MUC5AC: variants seen among roughly 807,000 people sequenced by gnomAD.
MUC5AC encodes the protein mucin 5AC, oligomeric mucus/gel-forming.
A neutral mutation model predicts 169.7 loss-of-function variants in MUC5AC; 158 were observed. The observed-to-expected ratio is 0.93, with a 90% CI of 0.82 to 1.06. The LOEUF is 1.06. Among genes scored for constraint, MUC5AC ranks in the 50% least tolerant of loss-of-function variants. The pLI, the probability that MUC5AC is intolerant of heterozygous loss-of-function variation, is 0.00. For synonymous variants in MUC5AC, 1,975 were observed against 1,237.0 expected (o/e 1.60, Z -12.52); for missense variants, 4,359 against 3,089.9 (o/e 1.41, Z -9.74).
In MUC5AC at chr11:1,191,276, C is replaced by A; in HGVS notation, c.13131C>A (p.Pro4377=). 1 of 736,606 alleles carries A rather than the reference C, an allele frequency of 1.4e-6. No homozygotes were observed. Among genetic ancestry groups the A allele is most frequent in the African/African-American group, 1.9e-5 (1 of 53,994 alleles). 45.6% of individuals were successfully genotyped at this position (736,606 alleles called of 1,614,324 possible). ...CAACCTCTGGTCCTGGAACTACTCC[C>A]AGCCCTGTTCCCACCACCAGCACAA... is the stretch of plus-strand genomic sequence containing the variant. The part of the protein sequence containing the change: ...ASTTSGPGTT[P]SPVPTTSTTS... The change falls in exon 31 of 49, where the codon CCC becomes CCA. Residue 4377 remains proline (P), a synonymous_variant. Transcript: ENST00000621226.
intron 11 of MUC5AC, among the ~76,000 whole-genome samples, chr11:1,167,430 G>T (rs960761626): frequency 2.0e-5 from 3 of 152,200 alleles, no homozygotes; most frequent in African/African-American, 7.2e-5. Flanking sequence ...AGGCTGCACT[G>T]GTACCCTCAC....
rs1861010789 is a variant in MUC5AC, at chr11:1,188,560, C to T, written c.10415C>T (p.Ser3472Leu). 3.9e-6 allele frequency: 3 copies of T among 760,794 alleles called. No individual in the cohort carries two copies. The highest frequency in any genetic ancestry group is 1.7e-5 in the African/African-American group (1 of 59,090). 47.1% of individuals were successfully genotyped at this position (760,794 alleles called of 1,614,324 possible). A position where few individuals can be genotyped will look rare whatever the true frequency, so the allele number is the denominator to read the frequency against. ...TTSTPQTSKT[S>L]AATSSTTSGS... ...TCCACTCCACAGACCAGCAAAACCT[C>T]AGCTGCTACAAGCAGCACAACCTCC... Residue 3472 changes from serine to leucine, a missense_variant, in exon 31 of 49, where the codon TCA (serine) becomes TTA (leucine). Coordinates refer to ENST00000621226, the MANE Select transcript of MUC5AC (RefSeq NM_001304359.2).
At position 1,186,055 on chromosome 11, in the gene MUC5AC, G is replaced by A. The variant is rs1184939665; in HGVS notation, c.7910G>A (p.Ser2637Asn). 1 of 731,740 alleles carries A rather than the reference G, an allele frequency of 1.4e-6. No individual in the cohort carries two copies. The highest frequency in any genetic ancestry group is 1.8e-5 in the African/African-American group (1 of 55,054). 45.3% of individuals were successfully genotyped at this position (731,740 alleles called of 1,614,324 possible). Reference sequence around the variant, plus strand: ...ATCTCTGGTCCTGAAACTACTCCCAGCCCTGTTCCTACCGCCAGCACAACC... The same window carrying A: ...ATCTCTGGTCCTGAAACTACTCCCAACCCTGTTCCTACCGCCAGCACAACC... The part of the protein sequence containing the change: ...SRISGPETTP[S>N]PVPTASTTSA... The change falls in exon 31 of 49, where the codon AGC becomes AAC. Residue 2637 changes from serine (S) to asparagine (N), a missense_variant. Transcript: ENST00000621226.
In MUC5AC at chr11:1,186,070, C is replaced by T; in HGVS notation, c.7925C>T (p.Ala2642Val). 1 of 743,614 alleles carries T rather than the reference C, an allele frequency of 1.3e-6. No individual in the cohort carries two copies. The highest frequency in any genetic ancestry group is 1.8e-5 in the Admixed American group (1 of 55,582). The allele number at this position is 743,614 out of a possible 1,614,324, so 46.1% of individuals were successfully genotyped here. Reference sequence around the variant, plus strand: ...ACTACTCCCAGCCCTGTTCCTACCGCCAGCACAACCTCTGCTTCTACAACT... The same window carrying T: ...ACTACTCCCAGCCCTGTTCCTACCGTCAGCACAACCTCTGCTTCTACAACT... ...PETTPSPVPT[A>V]STTSASTTST... The change falls in exon 31 of 49, where the codon GCC becomes GTC. Residue 2642 changes from alanine to valine, a missense_variant. Physicochemically the swap from Ala to Val is moderately conservative, Grantham distance 64. Coordinates refer to ENST00000621226, the MANE Select transcript of MUC5AC (RefSeq NM_001304359.2).
At chr11:1,193,378 C>A (rs1861173112) in intron 32 of MUC5AC, 107 bp from the exon 33 acceptor site, 2 of 625,228 alleles carry the variant, frequency 3.2e-6, no homozygotes, top group Admixed American at 2.4e-5. Context: ...GGCACAGCCA[C>A]CCTCCCCTGT....
At chr11:1,162,696 CG>C (rs1564906005) in intron 5 of MUC5AC, 50 bp downstream of exon 5, 1 of 1,534,816 alleles carries the variant, frequency 6.5e-7, no homozygotes, top group African/African-American at 1.4e-5. Flanking sequence ...CCTCGAGGGC[CG>C]GCCTGCTCCC....
rs775206945 is a variant in MUC5AC, at chr11:1,162,122, G to C, written c.427G>C (p.Val143Leu). 1.9e-6 allele frequency: 3 copies of C among 1,612,634 alleles called. No homozygotes were observed. Among genetic ancestry groups the C allele is most frequent in the Non-Finnish European group, 2.5e-6 (3 of 1,179,838 alleles). ...CAGGGTCCTCATGAAGGTGGATGGC[G>C]TGGTCATCCAGCTGACCAAGGGCTC... The part of the protein sequence containing the change: ...LSRVLMKVDG[V>L]VIQLTKGSVL... The change falls in exon 4 of 49, where the codon GTG becomes CTG. Residue 143 changes from valine to leucine, a missense_variant. Coordinates refer to ENST00000621226, the MANE Select transcript of MUC5AC (RefSeq NM_001304359.2).
At chr11:1,163,804 T>C in intron 6 of MUC5AC, 78 bp from the exon 7 acceptor site, 1 of 1,195,796 alleles carries the variant, frequency 8.4e-7, no homozygotes, top group Non-Finnish European at 1.2e-6. Flanking sequence ...GACCCGGCCC[T>C]GGGGGCTCTG....
chr11:1,198,114 G>A lies in MUC5AC; in HGVS notation c.16135+110G>A, dbSNP rs1052135285. ...TGCGGCTTGTCCACTGCGGGTCTGTGGCTCTGGACTGAGCCTTCCGCAGAG... is the reference window on the plus strand; with the variant it reads ...TGCGGCTTGTCCACTGCGGGTCTGTAGCTCTGGACTGAGCCTTCCGCAGAG... On this transcript the variant is annotated intron_variant, in intron 42 of 48. Transcript: ENST00000621226. 5.8e-5 allele frequency: 38 copies of A among 653,192 alleles called. 1 individual carries two copies. Among genetic ancestry groups the A allele is most frequent in the Middle Eastern group, 5.2e-4 (2 of 3,874 alleles). The allele number at this position is 653,192 out of a possible 1,614,324, so 40.5% of individuals were successfully genotyped here. A position where few individuals can be genotyped will look rare whatever the true frequency, so the allele number is the denominator to read the frequency against.
At position 1,185,403 on chromosome 11, in the gene MUC5AC, A is replaced by G; in HGVS notation, c.7258A>G (p.Thr2420Ala). 1.4e-6 allele frequency: 1 copy of G among 731,538 alleles called. No homozygotes were observed. The highest frequency in any genetic ancestry group is 2.5e-6 in the Non-Finnish European group (1 of 400,984). 45.3% of individuals were successfully genotyped at this position (731,538 alleles called of 1,614,324 possible). The change falls in exon 31 of 49, where the codon ACA (threonine) becomes GCA (alanine). Residue 2420 changes from threonine to alanine, a missense_variant. Transcript: ENST00000621226. Reference sequence around the variant, plus strand: ...CACAACCTCAGCTCCTACAACCAGCACAACCTCTGCCCCTACAAGCAGCAC... The same window carrying G: ...CACAACCTCAGCTCCTACAACCAGCGCAACCTCTGCCCCTACAAGCAGCAC... The part of the protein sequence containing the change: ...TSTTSAPTTS[T>A]TSAPTSSTTS...
At position 1,178,655 on chromosome 11, in the gene MUC5AC, GC is replaced by G; in HGVS notation, c.3303del (p.Thr1102ProfsTer19). The G allele has an allele frequency of 7.5e-7, 1 of 1,337,280 alleles. No individual in the cohort carries two copies. Among genetic ancestry groups the G allele is most frequent in the Non-Finnish European group, 9.7e-7 (1 of 1,035,442 alleles). The allele number at this position is 1,337,280 out of a possible 1,614,324, so 82.8% of individuals were successfully genotyped here. A position where few individuals can be genotyped will look rare whatever the true frequency, so the allele number is the denominator to read the frequency against. ...CAGAAGCAGTGCAGCATCCTCCACGGCCCCACCTTCGCCGCCTGCCACGCAC... is the reference window on the plus strand; with the variant it reads ...CAGAAGCAGTGCAGCATCCTCCACGGCCCACCTTCGCCGCCTGCCACGCAC... ...WAQKQCSILH[G>X]PTFAACHAHV... On this transcript the variant is annotated frameshift_variant, in exon 25 of 49. Coordinates refer to ENST00000621226, the MANE Select transcript of MUC5AC (RefSeq NM_001304359.2). LOFTEE classifies it high-confidence loss of function.
In MUC5AC at chr11:1,183,856, CCT is replaced by C. The variant is rs1365494884; in HGVS notation, c.5714_5715del (p.Ser1905CysfsTer57). 2.5e-6 allele frequency: 1 copy of C among 404,084 alleles called. No individual in the cohort carries two copies. The highest frequency in any genetic ancestry group is 2.1e-5 in the African/African-American group (1 of 46,938). 25.0% of individuals were successfully genotyped at this position (404,084 alleles called of 1,614,324 possible). A position where few individuals can be genotyped will look rare whatever the true frequency, so the allele number is the denominator to read the frequency against. On this transcript the variant is annotated frameshift_variant, in exon 31 of 49. Transcript: ENST00000621226. LOFTEE classifies it high-confidence loss of function. ...ACGACACCTGCCCCAGGTACCGCTA[CCT>C]CTGTCAAAAAAACTTTCTCAACTCC...
chr11:1,175,870 CAT>C (rs1454782210), intron 19 of MUC5AC, among the ~76,000 whole-genome samples: 1 of 73,224 alleles, frequency 1.4e-5, no homozygotes, highest in African/African-American at 5.3e-5. Flanking sequence ...CACGCTCACA[CAT>C]CCACTCATGC....
chr11:1,174,821 T>G (rs1860634020), intron 17 of MUC5AC, 61 bp from the exon 18 acceptor site: 3 of 435,950 alleles, frequency 6.9e-6, no homozygotes, highest in Non-Finnish European at 1.2e-5. Flanking sequence ...GCTCACTCAC[T>G]GCTGGCTGCC....
At position 1,174,916 on chromosome 11, in the gene MUC5AC, G is replaced by A. The variant is rs887806185; in HGVS notation, c.2127G>A (p.Thr709=). The A allele has an allele frequency of 6.1e-5, 25 of 412,494 alleles. No homozygotes were observed. Among genetic ancestry groups the A allele is most frequent in the Admixed American group, 1.3e-4 (3 of 23,062 alleles). The allele number at this position is 412,494 out of a possible 1,614,324, so 25.6% of individuals were successfully genotyped here. ...TGACCACTTGCCCCAAGTCAATGAC[G>A]TACCACTACCATGTCAGCACCTGCC... is the stretch of plus-strand genomic sequence containing the variant. ...KPMTTCPKSM[T]YHYHVSTCQP... is the part of the protein sequence containing the mutation. Residue 709 remains threonine, a synonymous_variant, in exon 18 of 49, where the codon ACG becomes ACA. Transcript: ENST00000621226.
intron 15 of MUC5AC, 137 bp from the exon 16 acceptor site, chr11:1,172,292 T>C: frequency 2.5e-6 from 1 of 397,556 alleles, no homozygotes. Context: ...CCAGGCTGAG[T>C]GTGTAGCAGG....
At position 1,179,248 on chromosome 11, in the gene MUC5AC, C is replaced by A; in HGVS notation, c.3484C>A (p.Pro1162Thr). ...GTCCTGGCGGACCCCGAGCATCTGCCGTGAGTGCGAGTGGGCACCTGGGGA... is the reference window on the plus strand; with the variant it reads ...GTCCTGGCGGACCCCGAGCATCTGCAGTGAGTGCGAGTGGGCACCTGGGGA... ...CVSWRTPSICPLFCDYYNPEG... is the reference protein window; with the variant it reads ...CVSWRTPSICTLFCDYYNPEG... The change falls in exon 26 of 49, where the codon CCT becomes ACT. Residue 1162 changes from proline to threonine, a missense_variant and splice_region_variant. Pro to Thr is a conservative substitution (Grantham distance 38, BLOSUM62 -1). Coordinates refer to ENST00000621226, the MANE Select transcript of MUC5AC (RefSeq NM_001304359.2). 1.7e-6 allele frequency: 1 copy of A among 576,602 alleles called. No homozygotes were observed. The highest frequency in any genetic ancestry group is 3.1e-6 in the Non-Finnish European group (1 of 317,962). The allele number at this position is 576,602 out of a possible 1,614,324, so 35.7% of individuals were successfully genotyped here.
intron 33 of MUC5AC, 109 bp downstream of exon 33, chr11:1,193,768 G>A: frequency 3.0e-6 from 2 of 670,606 alleles, no homozygotes; most frequent in South Asian, 3.3e-5. Context: ...AAAAGAATTG[G>A]GTGGGACAGC....
intron 40 of MUC5AC, 29 bp downstream of exon 40, chr11:1,196,937 AC>A (rs765693728): frequency 1.3e-6 from 1 of 758,534 alleles, no homozygotes; most frequent in Non-Finnish European, 2.4e-6. Context: ...CCAAGAGGGC[AC>A]TGGGGTCCAA....
Sources: allele counts gnomAD v4.1 joint callset (sites outside exome capture counted in the v4.1 genomes callset), GRCh38; gene constraint gnomAD v4.1.1; transcripts MANE v1.5; gene names NCBI Gene and HGNC (gene_info 2026-07-23, HGNC 2026-07-21).